Variants in KCNK9 observed in about 807,000 individuals in gnomAD.
KCNK9 encodes the protein potassium two pore domain channel subfamily K member 9.
KCNK9 carries 1 observed loss-of-function variant against 10.8 expected under a neutral mutation model. The ratio of observed to expected loss-of-function variants is 0.09; its 90% CI spans 0.03 to 0.44. The LOEUF (loss-of-function observed/expected upper bound fraction) is 0.44, where lower values mean the gene tolerates loss of function less well. KCNK9 is among the 20% of genes least tolerant of loss of function. KCNK9 has a pLI of 0.97. For missense variants in KCNK9, 303 were observed against 515.0 expected, an observed-to-expected ratio of 0.59 and a Z score of 3.98; for synonymous variants, 231 against 222.7, an observed-to-expected ratio of 1.04 and a Z score of -0.33.
intron 1 of KCNK9, among the ~76,000 whole-genome samples, chr8:139,627,911 C>T (rs1230250502): frequency 1.3e-5 from 2 of 152,252 alleles, no homozygotes; most frequent in Non-Finnish European, 2.9e-5. Flanking sequence ...AGAGCAGCTG[C>T]TCCCATCCTG....
At chr8:139,699,529 C>T (rs1817147117) in intron 1 of KCNK9, among the ~76,000 whole-genome samples, 1 of 152,218 alleles carries the variant, frequency 6.6e-6, no homozygotes, top group Non-Finnish European at 1.5e-5. Flanking sequence ...TAGAACTAAA[C>T]ATAATCTCCG....
downstream of KCNK9, among the ~76,000 whole-genome samples, chr8:139,608,469 G>A (rs1814307329): frequency 6.6e-6 from 1 of 152,226 alleles, no homozygotes; most frequent in African/African-American, 2.4e-5. Flanking sequence ...AGATGTGTTT[G>A]AGCATCACTG....
intron 1 of KCNK9, among the ~76,000 whole-genome samples, chr8:139,673,432 A>T (rs1480879069): frequency 6.6e-6 from 1 of 152,200 alleles, no homozygotes; most frequent in Admixed American, 6.5e-5. Flanking sequence ...AGGAATTGTG[A>T]GGGGCAGCTT....
At chr8:139,626,492 A>G (rs1814981427) in intron 1 of KCNK9, among the ~76,000 whole-genome samples, 1 of 152,192 alleles carries the variant, frequency 6.6e-6, no homozygotes, top group Non-Finnish European at 1.5e-5. Context: ...CCCTGGTGTC[A>G]GGCCAGTCCA....
intron 1 of KCNK9, among the ~76,000 whole-genome samples, chr8:139,692,190 T>TG (rs895293875): frequency 2.0e-5 from 3 of 152,264 alleles, no homozygotes; most frequent in African/African-American, 7.2e-5. Flanking sequence ...TCAGCCCGTC[T>TG]GCCTGCCCCA....
chr8:139,612,681 G>A (rs774808716), downstream of KCNK9: 3 of 152,222 alleles, frequency 2.0e-5, no homozygotes, highest in Non-Finnish European at 4.4e-5. Context: ...TCCCCTAACA[G>A]AGGAAAACAA....
chr8:139,652,832 T>C (rs1280839448), intron 1 of KCNK9, among the ~76,000 whole-genome samples: 1 of 152,132 alleles, frequency 6.6e-6, no homozygotes, highest in Non-Finnish European at 1.5e-5. Flanking sequence ...GGGCCTAGAT[T>C]CTGGGGTCCC....
chr8:139,685,927 C>T (rs192922784), intron 1 of KCNK9, among the ~76,000 whole-genome samples: 22 of 152,324 alleles, frequency 1.4e-4, no homozygotes, highest in Admixed American at 1.4e-3. Context: ...TATTTCTCCA[C>T]ATCCTCTCCA....
At chr8:139,654,693 A>G (rs1266999935) in intron 1 of KCNK9, among the ~76,000 whole-genome samples, 3 of 152,226 alleles carry the variant, frequency 2.0e-5, no homozygotes. Context: ...GGATACTGTA[A>G]GATCCACGAA....
intron 1 of KCNK9, among the ~76,000 whole-genome samples, chr8:139,635,288 C>T (rs1469067284): frequency 1.3e-5 from 2 of 152,214 alleles, no homozygotes; most frequent in Admixed American, 6.5e-5. Flanking sequence ...AACAAGAAAA[C>T]GGAGGCCCGA....
intron 1 of KCNK9, among the ~76,000 whole-genome samples, chr8:139,646,367 CAT>C (rs538401599): frequency 7.3e-4 from 111 of 152,346 alleles, no homozygotes; most frequent in African/African-American, 2.3e-3. Flanking sequence ...GTAGAGAAGA[CAT>C]GTGATCACGG....
intron 1 of KCNK9, among the ~76,000 whole-genome samples, chr8:139,652,848 C>T (rs556583572): frequency 8.5e-5 from 13 of 152,302 alleles, no homozygotes; most frequent in African/African-American, 3.1e-4. Context: ...GTCCCCTCAG[C>T]CCCTGAACCT....
At chr8:139,630,088 A>G (rs567906667) in intron 1 of KCNK9, among the ~76,000 whole-genome samples, 1 of 151,832 alleles carries the variant, frequency 6.6e-6, no homozygotes, top group African/African-American at 2.4e-5. Context: ...GCGGCGCGAA[A>G]GGGTAAGGGG....
intron 1 of KCNK9, among the ~76,000 whole-genome samples, chr8:139,636,077 T>A (rs982979567): frequency 1.5e-4 from 23 of 152,236 alleles, no homozygotes; most frequent in African/African-American, 5.3e-4. Context: ...TCATTCCATG[T>A]ACAAAGACCA....
intron 1 of KCNK9, among the ~76,000 whole-genome samples, chr8:139,624,174 C>CGCCT (rs1289992633): frequency 6.6e-6 from 1 of 152,192 alleles, no homozygotes; most frequent in African/African-American, 2.4e-5. Context: ...AGAGCTTCAC[C>CGCCT]GCCTGTTTTG....
rs1814631868 is a variant in KCNK9, at chr8:139,617,375, A to G, written c.*883T>C. On this transcript the variant is annotated 3_prime_UTR_variant, in exon 2 of 2. Transcript: ENST00000520439. ...TGTTGGAACTGGAGGTGACAAAATT[A>G]AAAATGTCTTTTATAAGTTAATGTT... Among the ~76,000 whole-genome samples the G allele has an allele frequency of 6.6e-6, 1 of 152,330 alleles. No individual in the cohort carries two copies. Among genetic ancestry groups the G allele is most frequent in the Admixed American group, 6.5e-5 (1 of 15,302 alleles).
At position 139,685,574 on chromosome 8, in the gene KCNK9, T is replaced by C. The variant is rs1262613454; in HGVS notation, c.283+17136A>G. ...TGTGATAGTTTGCTGAGAATGATGG[T>C]TTCCATCTTCATCCATGTCCCTGCA... On this transcript the variant is annotated intron_variant, in intron 1 of 1. Transcript: ENST00000520439. 3.9e-5 allele frequency among the ~76,000 whole-genome samples: 6 copies of C among 152,222 alleles called. No homozygotes were observed. The East Asian group carries it at 9.6e-4, about 24-fold the overall frequency.
At chr8:139,686,696 T>C (rs1025967898) in intron 1 of KCNK9, among the ~76,000 whole-genome samples, 2 of 152,192 alleles carry the variant, frequency 1.3e-5, no homozygotes, top group Non-Finnish European at 2.9e-5. Flanking sequence ...CAAGACAGAA[T>C]AACACACAAG....
chr8:139,660,471 T>C (rs1563740062), intron 1 of KCNK9, among the ~76,000 whole-genome samples: 2 of 146,020 alleles, frequency 1.4e-5, no homozygotes, highest in African/African-American at 5.2e-5. Flanking sequence ...TATATATATA[T>C]TAGCCGGGCA....
Sources: gnomAD v4.1 joint callset for allele counts (sites outside exome capture counted in the v4.1 genomes callset) on GRCh38, gnomAD v4.1.1 for gene constraint, MANE v1.5 for transcripts, NCBI Gene and HGNC (gene_info 2026-07-23, HGNC 2026-07-21) for gene names.